ETV6: variants seen among roughly 807,000 people sequenced by gnomAD.
ETV6 encodes the protein transcription factor ETV6.
ETV6 carries 16 observed loss-of-function variants against 51.1 expected under a neutral mutation model. The ratio of observed to expected loss-of-function variants is 0.31; its 90% CI spans 0.21 to 0.48. The LOEUF (loss-of-function observed/expected upper bound fraction) is 0.48, where lower values mean the gene tolerates loss of function less well. Among genes scored for constraint, ETV6 ranks in the 20% least tolerant of loss-of-function variants. The pLI is 0.99. For synonymous variants in ETV6, 240 were observed against 224.1 expected (o/e 1.07, Z -0.64); for missense variants, 458 against 594.8 (o/e 0.77, Z 2.39).
chr12:11,674,723 G>A (rs1388231898), intron 1 of ETV6, among the ~76,000 whole-genome samples: 2 of 151,068 alleles, frequency 1.3e-5, no homozygotes, highest in Non-Finnish European at 2.9e-5. Flanking sequence ...TGCTTCCGCT[G>A]TTTTCCAGGA....
chr12:11,810,562 A>C (rs1313917484), intron 2 of ETV6, among the ~76,000 whole-genome samples: 3 of 152,166 alleles, frequency 2.0e-5, no homozygotes, highest in Non-Finnish European at 4.4e-5. Flanking sequence ...GAGAAACCAC[A>C]CTGAAATAAA....
rs896224995 is a variant in ETV6, at chr12:11,858,408, T to A, written c.463+4847T>A. Among the ~76,000 whole-genome samples, 246 of 140,830 alleles carry A rather than the reference T, an allele frequency of 1.7e-3. 1 individual carries two copies. The highest frequency in any genetic ancestry group is 7.4e-3 in the Middle Eastern group (2 of 272). 92.4% of individuals were successfully genotyped at this position (140,830 alleles called of 152,430 possible). A position where few individuals can be genotyped will look rare whatever the true frequency, so the allele number is the denominator to read the frequency against. On this transcript the variant is annotated intron_variant, in intron 4 of 7. Coordinates refer to ENST00000396373, the MANE Select transcript of ETV6 (RefSeq NM_001987.5). ...TCCCCTTAAATATATATATATATTT[T>A]TTTTTAATTGTCATTTGTCCTCTAG... is the stretch of plus-strand genomic sequence containing the variant.
At chr12:11,781,361 G>C (rs1439837848) in intron 2 of ETV6, among the ~76,000 whole-genome samples, 2 of 152,174 alleles carry the variant, frequency 1.3e-5, no homozygotes, top group East Asian at 3.9e-4. Flanking sequence ...GATGGTGCTA[G>C]ATGTGAAAAA....
intron 1 of ETV6, among the ~76,000 whole-genome samples, chr12:11,740,302 T>C (rs1865786200): frequency 6.6e-6 from 1 of 152,224 alleles, no homozygotes; most frequent in African/African-American, 2.4e-5. Flanking sequence ...TTCAACCCTA[T>C]AAGCTCCAAG....
intron 7 of ETV6, among the ~76,000 whole-genome samples, chr12:11,886,824 G>A (rs2136604601): frequency 6.6e-6 from 1 of 152,304 alleles, no homozygotes; most frequent in East Asian, 1.9e-4. Flanking sequence ...CTCTGGTGCT[G>A]GTGGTAGTCA....
intron 1 of ETV6, among the ~76,000 whole-genome samples, chr12:11,654,899 A>G (rs1863972354): frequency 6.6e-6 from 1 of 152,154 alleles, no homozygotes; most frequent in South Asian, 2.1e-4. Context: ...CCTGTTTCAA[A>G]CAGTCAAAGC....
chr12:11,781,654 A>G (rs1405707520), intron 2 of ETV6, among the ~76,000 whole-genome samples: 1 of 152,200 alleles, frequency 6.6e-6, no homozygotes, highest in African/African-American at 2.4e-5. Context: ...ATTCACATTG[A>G]TCGTTTTTAC....
chr12:11,829,781 A>G (rs1946215300), intron 2 of ETV6, among the ~76,000 whole-genome samples: 1 of 152,232 alleles, frequency 6.6e-6, no homozygotes, highest in East Asian at 1.9e-4. Context: ...GCTGAAAGAC[A>G]TGAGTATAAC....
At chr12:11,828,951 A>G (rs1334463803) in intron 2 of ETV6, among the ~76,000 whole-genome samples, 3 of 152,104 alleles carry the variant, frequency 2.0e-5, no homozygotes, top group African/African-American at 7.2e-5. Context: ...TCCTGGGGCA[A>G]ATGTCTTACT....
chr12:11,801,253 C>T lies in ETV6; in HGVS notation c.164-37887C>T, dbSNP rs59631873. 9.4e-3 allele frequency among the ~76,000 whole-genome samples: 1,428 copies of T among 152,228 alleles called. 25 individuals carry two copies. The highest frequency in any genetic ancestry group is 0.033 in the African/African-American group (1,351 of 41,530). ...GCTTTGACATTGGCCTTTAAAAGAA[C>T]GAGGCAAACTTTTTTAAAGAAAGTT... On this transcript the variant is annotated intron_variant, in intron 2 of 7. Coordinates refer to ENST00000396373, the MANE Select transcript of ETV6 (RefSeq NM_001987.5).
intron 2 of ETV6, among the ~76,000 whole-genome samples, chr12:11,783,447 G>A (rs1030089276): frequency 6.6e-6 from 1 of 152,124 alleles, no homozygotes; most frequent in South Asian, 2.1e-4. Context: ...GTTGAAATGT[G>A]GAAGAAAGTG....
chr12:11,749,627 C>T (rs1004822304), intron 1 of ETV6, among the ~76,000 whole-genome samples: 7 of 152,062 alleles, frequency 4.6e-5, no homozygotes, highest in Non-Finnish European at 8.8e-5. Context: ...ATGTTAAGTG[C>T]GAGGTTATTG....
intron 3 of ETV6, among the ~76,000 whole-genome samples, chr12:11,852,882 C>T (rs1031279667): frequency 1.3e-5 from 2 of 152,142 alleles, no homozygotes; most frequent in Non-Finnish European, 2.9e-5. Flanking sequence ...TTCTGATTTT[C>T]TGCCTTTTTA....
At position 11,709,047 on chromosome 12, in the gene ETV6, C is replaced by T. The variant is rs139870356; in HGVS notation, c.34-43403C>T. On this transcript the variant is annotated intron_variant, in intron 1 of 7. Transcript: ENST00000396373. ...GGAGGCTGCATTGAGGTGATGCACA[C>T]GTGTGGCCTGAAAGCTTGATTCGTT... Among the ~76,000 whole-genome samples the T allele has an allele frequency of 2.5e-3, 380 of 152,222 alleles. 3 individuals carry two copies. The highest frequency in any genetic ancestry group is 7.8e-3 in the African/African-American group (323 of 41,516).
chr12:11,834,200 A>G (rs1400528144), intron 2 of ETV6, among the ~76,000 whole-genome samples: 5 of 152,196 alleles, frequency 3.3e-5, no homozygotes, highest in Admixed American at 6.6e-5. Flanking sequence ...GTTGAGGGTT[A>G]CAAAATTGGT....
At chr12:11,663,534 A>G (rs1398294275) in intron 1 of ETV6, among the ~76,000 whole-genome samples, 1 of 152,218 alleles carries the variant, frequency 6.6e-6, no homozygotes, top group Non-Finnish European at 1.5e-5. Flanking sequence ...AGATTACACA[A>G]AATCCAGCCT....
At chr12:11,710,731 G>A (rs1460520167) in intron 1 of ETV6, among the ~76,000 whole-genome samples, 4 of 152,230 alleles carry the variant, frequency 2.6e-5, no homozygotes, top group East Asian at 1.9e-4. Flanking sequence ...AATGAGGGTC[G>A]TTGATAGGAA....
chr12:11,663,293 C>T (rs536719581), intron 1 of ETV6, among the ~76,000 whole-genome samples: 7 of 152,272 alleles, frequency 4.6e-5, no homozygotes, highest in Admixed American at 6.5e-5. Context: ...AGAATTAGCA[C>T]GCTCTAGGGA....
At chr12:11,857,197 G>T (rs191111063) in intron 4 of ETV6, among the ~76,000 whole-genome samples, 5 of 152,318 alleles carry the variant, frequency 3.3e-5, no homozygotes, top group Admixed American at 3.3e-4. Flanking sequence ...AATGTGTCTT[G>T]CTCAATCTAG....
Sources: gnomAD v4.1 joint callset for allele counts (sites outside exome capture counted in the v4.1 genomes callset) on GRCh38, gnomAD v4.1.1 for gene constraint, MANE v1.5 for transcripts, NCBI Gene and HGNC (gene_info 2026-07-23, HGNC 2026-07-21) for gene names.